LOC112694756: variants seen among roughly 807,000 people sequenced by gnomAD.
At chr16:30,068,563 A>T in the LOC112694756 span, 10 of 1,481,876 alleles carry the variant, frequency 6.7e-6, no homozygotes, top group Non-Finnish European at 8.5e-6. Flanking sequence ...AGATTCCACC[A>T]CTGTACTCCA....
chr16:30,066,690 G>A, the LOC112694756 span, among the ~76,000 whole-genome samples: 1 of 152,274 alleles, frequency 6.6e-6, no homozygotes, highest in East Asian at 1.9e-4. Flanking sequence ...CTGGGATCTT[G>A]AGGGGATTGG....
At chr16:30,061,592 T>G in the LOC112694756 span, among the ~76,000 whole-genome samples, 6 of 144,150 alleles carry the variant, frequency 4.2e-5, no homozygotes, top group Non-Finnish European at 7.6e-5. Flanking sequence ...CAGAGTCTTG[T>G]TCTGTTGCCC....
chr16:30,068,704 A>G, the LOC112694756 span: 1 of 1,614,212 alleles, frequency 6.2e-7, no homozygotes, highest in Non-Finnish European at 8.5e-7. Context: ...ACCCAAGGTG[A>G]GAACTGTTTG....
chr16:30,070,077 G>A, the LOC112694756 span: 21 of 1,613,514 alleles, frequency 1.3e-5, no homozygotes, highest in African/African-American at 1.2e-4. Context: ...GATGGGACTC[G>A]GAGAAGAGCC....
the LOC112694756 span, among the ~76,000 whole-genome samples, chr16:30,062,621 T>C: frequency 6.6e-6 from 1 of 151,020 alleles, no homozygotes; most frequent in South Asian, 2.1e-4. Flanking sequence ...GGCGGGCAGA[T>C]ACCTGAGGTC....
the LOC112694756 span, chr16:30,069,394 A>G: frequency 1.2e-6 from 2 of 1,614,058 alleles, no homozygotes; most frequent in Non-Finnish European, 8.5e-7. Context: ...GAGAAGGTAA[A>G]TGGCTACCTG....
chr16:30,069,410 C>T, the LOC112694756 span: 1 of 1,614,056 alleles, frequency 6.2e-7, no homozygotes, highest in Non-Finnish European at 8.5e-7. Context: ...ACCTGCCTGA[C>T]CAGTGCAAGG....
the LOC112694756 span, among the ~76,000 whole-genome samples, chr16:30,060,603 G>C: frequency 5.3e-5 from 8 of 152,184 alleles, no homozygotes; most frequent in East Asian, 1.2e-3. Context: ...CCCTTCCAAG[G>C]GAGAGAGCCA....
the LOC112694756 span, among the ~76,000 whole-genome samples, chr16:30,056,724 C>G: frequency 2.0e-5 from 3 of 151,956 alleles, no homozygotes; most frequent in African/African-American, 7.3e-5. Context: ...CCTCAGCCTC[C>G]TGAGTAGCTG....
At chr16:30,063,231 C>A in the LOC112694756 span, among the ~76,000 whole-genome samples, 1 of 151,960 alleles carries the variant, frequency 6.6e-6, no homozygotes, top group Admixed American at 6.6e-5. Flanking sequence ...GCGGTCTGTT[C>A]GTTGCACAGA....
At chr16:30,054,610 A>G in the LOC112694756 span, 7 of 388,744 alleles carry the variant, frequency 1.8e-5, no homozygotes, top group African/African-American at 6.2e-5. Context: ...AATGATAGGG[A>G]AAAAGGCAGG....
the LOC112694756 span, chr16:30,066,903 A>C: frequency 1.3e-6 from 2 of 1,549,894 alleles, no homozygotes; most frequent in Admixed American, 3.9e-5. Flanking sequence ...ACCCCATGGC[A>C]AGGCGCAAGC....
the LOC112694756 span, chr16:30,070,333 A>C: frequency 2.2e-6 from 2 of 898,770 alleles, no homozygotes; most frequent in Admixed American, 1.9e-5. Context: ...CCCTCGTGAC[A>C]GTGGTGTGTG....
chr16:30,058,920 A>G, the LOC112694756 span: 1 of 398,468 alleles, frequency 2.5e-6, no homozygotes, highest in East Asian at 3.6e-5. Flanking sequence ...AACAAGATGG[A>G]GAAGGTCCCC....
chr16:30,069,096 G>A, the LOC112694756 span: 21 of 1,510,636 alleles, frequency 1.4e-5, no homozygotes, highest in African/African-American at 2.7e-5. Context: ...GCTTTGGCCC[G>A]TGGAGGACAC....
chr16:30,061,978 G>A, the LOC112694756 span, among the ~76,000 whole-genome samples: 540 of 148,482 alleles, frequency 3.6e-3, 3 homozygotes, highest in African/African-American at 0.012. Context: ...CGAGGTGGGC[G>A]GATCACCTGA....
chr16:30,070,288 CG>C, the LOC112694756 span: 44 of 1,461,598 alleles, frequency 3.0e-5, no homozygotes, highest in African/African-American at 5.7e-4. Flanking sequence ...GCCGCCTCCT[CG>C]GGGCTCCAGG....
the LOC112694756 span, chr16:30,069,542 A>C: frequency 6.2e-7 from 1 of 1,614,006 alleles, no homozygotes; most frequent in Non-Finnish European, 8.5e-7. Flanking sequence ...CACCACATCT[A>C]CCTGGAAGGC....
chr16:30,065,048 C>G, the LOC112694756 span, among the ~76,000 whole-genome samples: 2 of 152,240 alleles, frequency 1.3e-5, no homozygotes, highest in African/African-American at 4.8e-5. Flanking sequence ...TTTTCTGTGG[C>G]GCAGAGGACT....
Sources: allele counts gnomAD v4.1 joint callset (sites outside exome capture counted in the v4.1 genomes callset), GRCh38; gene constraint gnomAD v4.1.1; transcripts MANE v1.5.